The following VPS13B variants were observed in gnomAD, a reference collection of about 807,000 sequenced individuals.
VPS13B encodes vacuolar protein sorting 13 homolog B, also known as intermembrane lipid transfer protein VPS13B.
Under a neutral mutation model 426.4 loss-of-function variants are expected in VPS13B, and 285 were observed. The observed-to-expected ratio is 0.67, with a 90% CI of 0.61 to 0.74. VPS13B has a LOEUF of 0.74. VPS13B is among the 30% of genes least tolerant of loss of function. The pLI is 0.00. For missense variants in VPS13B, 4,537 were observed against 4,782.6 expected, an observed-to-expected ratio of 0.95 and a Z score of 1.51; for synonymous variants, 1,676 against 1,676.4, an observed-to-expected ratio of 1.00 and a Z score of 0.01.
At chr8:99,732,046 A>AC (rs1318313436) in intron 39 of VPS13B, among the ~76,000 whole-genome samples, 7 of 152,148 alleles carry the variant, frequency 4.6e-5, no homozygotes, top group East Asian at 1.9e-4. Context: ...AAGTTTATAG[A>AC]CCCCCCTATA....
At chr8:99,558,410 T>TTTG (rs1824703584) in intron 31 of VPS13B, among the ~76,000 whole-genome samples, 1 of 151,478 alleles carries the variant, frequency 6.6e-6, no homozygotes, top group Admixed American at 6.6e-5. Flanking sequence ...ATGTTTTCTT[T>TTTG]TTATTATTAT....
intron 30 of VPS13B, among the ~76,000 whole-genome samples, chr8:99,554,287 T>C (rs1364403553): frequency 3.3e-5 from 5 of 152,136 alleles, no homozygotes; most frequent in Non-Finnish European, 7.4e-5. Context: ...TTATTTAAAA[T>C]GTAGAGAGCA....
At chr8:99,124,551 T>A (rs1848098494) in intron 8 of VPS13B, among the ~76,000 whole-genome samples, 1 of 152,022 alleles carries the variant, frequency 6.6e-6, no homozygotes, top group Non-Finnish European at 1.5e-5. Flanking sequence ...AATAAACAAA[T>A]TGTGGTATAT....
chr8:99,710,464 T>C (rs16897589), intron 36 of VPS13B, among the ~76,000 whole-genome samples: 2,918 of 152,146 alleles, frequency 0.019, 96 homozygotes, highest in African/African-American at 0.067. Flanking sequence ...TGTGTGGTAA[T>C]ATATAAGATT....
intron 19 of VPS13B, among the ~76,000 whole-genome samples, chr8:99,365,619 C>T (rs950153555): frequency 2.0e-5 from 3 of 147,344 alleles, no homozygotes; most frequent in African/African-American, 5.0e-5. Context: ...CGGGTTCAAG[C>T]GATTCTTCTC....
Position 99,778,894 on chromosome 8 carries a change from A to G in VPS13B, c.7642A>G (p.Ile2548Val), listed in dbSNP as rs559197969. 37 of 1,614,034 alleles carry G rather than the reference A, an allele frequency of 2.3e-5. No homozygotes were observed. The South Asian group carries it at 4.0e-4, about 17-fold the overall frequency. The stretch of plus-strand genomic sequence containing the variant: ...GCAAAGTGTGGTGAAACCCTTCAGC[A>G]TCTTCGGGCAGATGGCAGTTTCCAG... ...TMQSVVKPFS[I>V]FGQMAVSSDV... is the part of the protein sequence containing the mutation. Residue 2548 changes from isoleucine to valine, a missense_variant, in exon 42 of 62, where the codon ATC (isoleucine) becomes GTC (valine). By Grantham distance (29) the Ile-to-Val change is conservative. This residue lies in a region of VPS13B where 4,311 missense variants were observed against 4,474.3 expected (regional missense o/e 0.96). Coordinates refer to ENST00000357162, the MANE Select transcript of VPS13B (RefSeq NM_152564.5).
intron 23 of VPS13B, among the ~76,000 whole-genome samples, chr8:99,453,728 T>G (rs1004948668): frequency 5.9e-5 from 9 of 152,190 alleles, no homozygotes; most frequent in African/African-American, 2.2e-4. Flanking sequence ...ATTTTTAGAC[T>G]ATTTTTTTAA....
At chr8:99,696,781 CA>C in intron 35 of VPS13B, 1 of 1,409,176 alleles carries the variant, frequency 7.1e-7, no homozygotes, top group Non-Finnish European at 1.0e-6. Context: ...TGCGTTTTTC[CA>C]AATTATTTGA....
chr8:99,209,435 A>T (rs766979013), intron 17 of VPS13B, among the ~76,000 whole-genome samples: 2 of 152,060 alleles, frequency 1.3e-5, no homozygotes, highest in African/African-American at 2.4e-5. Flanking sequence ...AAAATTTCCT[A>T]CTGATTTTAA....
At chr8:99,789,585 G>A (rs1438243660) in intron 43 of VPS13B, among the ~76,000 whole-genome samples, 1 of 152,106 alleles carries the variant, frequency 6.6e-6, no homozygotes, top group Non-Finnish European at 1.5e-5. Flanking sequence ...ACCCACTGGA[G>A]AGAAGGCAAA....
Position 99,848,421 on chromosome 8 carries a change from G to GT in VPS13B, c.9943-348dup, listed in dbSNP as rs200028209. ...ATTGCACTTCAAGTCCCAAGTTTTA[G>GT]TTTTTTTCCCACAAAGATCCATATG... On this transcript the variant is annotated intron_variant, in intron 54 of 61. Transcript: ENST00000357162. 2.3e-3 allele frequency among the ~76,000 whole-genome samples: 345 copies of GT among 152,074 alleles called. 3 individuals are homozygous for GT. The highest frequency in any genetic ancestry group is 8.0e-3 in the African/African-American group (333 of 41,470).
At chr8:99,053,992 CCACGCCCAGCCCAGGGTTTCCTT>C (rs1349372939) in intron 3 of VPS13B, among the ~76,000 whole-genome samples, 11 of 152,342 alleles carry the variant, frequency 7.2e-5, no homozygotes, top group African/African-American at 2.6e-4. Context: ...GCGTGAGCCA[CCACGCCCAGCCCAGGGTTTCCTT>C]TTTTCTAGGG....
intron 21 of VPS13B, among the ~76,000 whole-genome samples, chr8:99,403,966 CTTTG>C (rs1815191249): frequency 6.6e-6 from 1 of 152,048 alleles, no homozygotes; most frequent in South Asian, 2.1e-4. Context: ...TTACAACAGG[CTTTG>C]TTTTAGTTTT....
chr8:99,499,417 T>C (rs936305032), intron 25 of VPS13B, among the ~76,000 whole-genome samples: 4 of 152,166 alleles, frequency 2.6e-5, no homozygotes, highest in African/African-American at 7.2e-5. Flanking sequence ...GTCTTAGTGA[T>C]TCGAGATGTT....
In VPS13B at chr8:99,206,175, CTTG is replaced by C. The variant is rs370709344; in HGVS notation, c.2515+13121_2515+13123del. ...AAACAAGGACTTGCTACCACTTTTCCTTGTTCAGAAGTTCATTATTTTGTTGAC... is the reference window on the plus strand; with the variant it reads ...AAACAAGGACTTGCTACCACTTTTCCTTCAGAAGTTCATTATTTTGTTGAC... On this transcript the variant is annotated intron_variant, in intron 17 of 61. Coordinates refer to ENST00000357162, the MANE Select transcript of VPS13B (RefSeq NM_152564.5). 6.1e-3 allele frequency among the ~76,000 whole-genome samples: 927 copies of C among 152,210 alleles called. 13 individuals carry two copies. The highest frequency in any genetic ancestry group is 0.021 in the African/African-American group (882 of 41,544).
chr8:99,149,063 T>C (rs1810911613), intron 14 of VPS13B, among the ~76,000 whole-genome samples: 1 of 152,254 alleles, frequency 6.6e-6, no homozygotes, highest in Non-Finnish European at 1.5e-5. Flanking sequence ...CAAGGTCTGC[T>C]GTGGTTGAGT....
chr8:99,512,311 C>A (rs1386967360), intron 29 of VPS13B, among the ~76,000 whole-genome samples: 2 of 152,148 alleles, frequency 1.3e-5, no homozygotes, highest in Non-Finnish European at 1.5e-5. Context: ...AAGAGTTAGT[C>A]TTTATTTACC....
intron 33 of VPS13B, among the ~76,000 whole-genome samples, chr8:99,603,721 G>C (rs925596503): frequency 6.6e-6 from 1 of 152,102 alleles, no homozygotes; most frequent in Non-Finnish European, 1.5e-5. Context: ...CTTTATTTCT[G>C]GAATTTTCCA....
chr8:99,212,277 A>G (rs771645482), intron 17 of VPS13B, among the ~76,000 whole-genome samples: 1 of 152,056 alleles, frequency 6.6e-6, no homozygotes, highest in Admixed American at 6.5e-5. Flanking sequence ...CATTCCCTTC[A>G]CCTCTCTCCT....
Sources: allele counts gnomAD v4.1 joint callset (sites outside exome capture counted in the v4.1 genomes callset), GRCh38; gene constraint gnomAD v4.1.1; regional missense constraint gnomAD v4.1.1; transcripts MANE v1.5; gene names NCBI Gene and HGNC (gene_info 2026-07-23, HGNC 2026-07-21).